Variants in SLK observed in about 807,000 individuals in gnomAD.
SLK encodes the protein STE20 like kinase, also known as STE20-like serine/threonine-protein kinase.
Under a neutral mutation model 147.7 loss-of-function variants are expected in SLK, and 67 were observed. The ratio of observed to expected loss-of-function variants is 0.45; its 90% CI spans 0.37 to 0.56. The LOEUF (loss-of-function observed/expected upper bound fraction) is 0.56. SLK is among the 20% of genes least tolerant of loss of function. The probability of loss-of-function intolerance (pLI) is 0.00; values close to 1 mark genes in which losing one functional copy is unlikely to be tolerated. For synonymous variants in SLK, 441 were observed against 475.0 expected, an observed-to-expected ratio of 0.93 and a Z score of 0.93; for missense variants, 1,136 against 1,438.8, an observed-to-expected ratio of 0.79 and a Z score of 3.41.
intron 4 of SLK, 79 bp from the exon 5 acceptor site, chr10:103,998,820 A>G (rs960700169): frequency 2.8e-5 from 27 of 947,914 alleles, no homozygotes; most frequent in Non-Finnish European, 4.0e-5. Flanking sequence ...TTAAAGACTT[A>G]AAATGCTTTT....
chr10:103,990,241 G>C (rs1020098968), intron 1 of SLK, among the ~76,000 whole-genome samples: 2 of 152,142 alleles, frequency 1.3e-5, no homozygotes, highest in African/African-American at 4.8e-5. Context: ...AAACTATTCT[G>C]TATGATATTA....
At chr10:103,992,309 G>C (rs1240641739) in intron 2 of SLK, among the ~76,000 whole-genome samples, 16 of 151,908 alleles carry the variant, frequency 1.1e-4, no homozygotes, top group Admixed American at 1.0e-3. Context: ...TAGCTGTGCA[G>C]TACAATACCA....
At chr10:104,023,012 G>A (rs1844555156) in intron 18 of SLK, among the ~76,000 whole-genome samples, 1 of 152,224 alleles carries the variant, frequency 6.6e-6, no homozygotes, top group Non-Finnish European at 1.5e-5. Context: ...TGTAAACGGT[G>A]TAAAATCTCC....
chr10:104,003,175 G>A lies in SLK; in HGVS notation c.1997G>A (p.Gly666Glu), dbSNP rs7071400. The change falls in exon 9 of 19, where the codon GGA becomes GAA. Residue 666 changes from glycine to glutamate, a missense_variant. Gly to Glu is a moderately conservative substitution (Grantham distance 98). This residue lies in a region of SLK where 516 missense variants were observed against 531.3 expected (regional missense o/e 0.97). Transcript: ENST00000369755. ...GCTGATACTGACCAAAAGGCTTTAGGAAGTGAAGTTCAGGATGCTTCTAAA... is the reference window on the plus strand; with the variant it reads ...GCTGATACTGACCAAAAGGCTTTAGAAAGTGAAGTTCAGGATGCTTCTAAA... The part of the protein sequence containing the change: ...VVADTDQKAL[G>E]SEVQDASKVT... 2.6e-3 allele frequency: 4,142 copies of A among 1,613,986 alleles called. 96 individuals are homozygous for A. The African/African-American group carries it at 0.049, about 19-fold the overall frequency.
chr10:104,000,903 CA>C lies in SLK; in HGVS notation c.865-535del, dbSNP rs540822215. ...TGAAACCCTGTCTCTACTAAAAATACAAAAAATCAGCCGGGCATGGTGGCAC... is the reference window on the plus strand; with the variant it reads ...TGAAACCCTGTCTCTACTAAAAATACAAAAATCAGCCGGGCATGGTGGCAC... On this transcript the variant is annotated intron_variant, in intron 7 of 18. Coordinates refer to ENST00000369755, the MANE Select transcript of SLK (RefSeq NM_014720.4). Among the ~76,000 whole-genome samples, 1,339 of 151,472 alleles carry C rather than the reference CA, an allele frequency of 8.8e-3. 16 individuals carry two copies. The highest frequency in any genetic ancestry group is 0.031 in the African/African-American group (1,280 of 41,296).
At chr10:103,996,690 C>T (rs1022596567) in intron 4 of SLK, among the ~76,000 whole-genome samples, 70 of 152,032 alleles carry the variant, frequency 4.6e-4, no homozygotes, top group African/African-American at 1.5e-3. Flanking sequence ...CCACCGTGCC[C>T]GGCCTTCTAA....
At chr10:103,991,314 C>G (rs553844374) in intron 2 of SLK, among the ~76,000 whole-genome samples, 2 of 152,102 alleles carry the variant, frequency 1.3e-5, no homozygotes, top group South Asian at 4.2e-4. Flanking sequence ...ATGGCTAAAG[C>G]TGTATGTATA....
At chr10:103,987,562 CATTT>C (rs1223230876) in intron 1 of SLK, among the ~76,000 whole-genome samples, 4 of 152,060 alleles carry the variant, frequency 2.6e-5, no homozygotes, top group Non-Finnish European at 5.9e-5. Context: ...GAGATTTAGA[CATTT>C]ATTTATTGAA....
chr10:104,003,688 G>C (rs1379338815), intron 9 of SLK, among the ~76,000 whole-genome samples, 161 bp downstream of exon 9: 2 of 152,160 alleles, frequency 1.3e-5, no homozygotes, highest in African/African-American at 2.4e-5. Context: ...GAACTAAGGA[G>C]ATTGTGGATC....
chr10:103,975,509 C>T (rs1215073707), intron 1 of SLK, among the ~76,000 whole-genome samples: 1 of 81,498 alleles, frequency 1.2e-5, no homozygotes, highest in African/African-American at 5.9e-5. Flanking sequence ...TTTCACTAGT[C>T]AAAGCTGCTA....
chr10:104,025,692 T>C lies in SLK; in HGVS notation c.3680T>C (p.Ile1227Thr), dbSNP rs1411420476. 3 of 1,614,092 alleles carry C rather than the reference T, an allele frequency of 1.9e-6. No individual in the cohort carries two copies. In the Admixed American group the frequency reaches 5.0e-5, roughly 27 times the overall value. ...TQSRISKFYP[I>T]PSLHSTGS ...AGCCGGATTTCCAAATTTTATCCTA[T>C]TCCCAGCTTGCATTCCACCGGATCA... Residue 1227 changes from isoleucine to threonine, a missense_variant, in exon 19 of 19, where the codon ATT becomes ACT. Ile to Thr is a moderately conservative substitution (Grantham distance 89, BLOSUM62 -1). Coordinates refer to ENST00000369755, the MANE Select transcript of SLK (RefSeq NM_014720.4).
intron 4 of SLK, among the ~76,000 whole-genome samples, chr10:103,996,335 G>GT (rs780860379): frequency 3.7e-3 from 456 of 121,860 alleles, no homozygotes; most frequent in South Asian, 7.1e-3. Context: ...GATGCTAAAA[G>GT]TTTTTTTTTT....
Position 103,998,074 on chromosome 10 carries a change from A to G in SLK, c.515-825A>G, listed in dbSNP as rs376022276. 3.3e-4 allele frequency among the ~76,000 whole-genome samples: 50 copies of G among 152,322 alleles called. 2 individuals carry two copies. The South Asian group carries it at 0.01, about 31-fold the overall frequency. ...TAGAACAATCTTATCCCCAAGAACC[A>G]TATAATAGATAAAAGTAATTCAGGC... On this transcript the variant is annotated intron_variant, in intron 4 of 18. Coordinates refer to ENST00000369755, the MANE Select transcript of SLK (RefSeq NM_014720.4).
intron 13 of SLK, among the ~76,000 whole-genome samples, chr10:104,011,432 A>C (rs805648): frequency 0.21 from 32,500 of 152,166 alleles, 3,851 homozygotes; most frequent in African/African-American, 0.32. Flanking sequence ...TTAAATATTA[A>C]GTACCTTGTT....
intron 13 of SLK, among the ~76,000 whole-genome samples, chr10:104,017,207 T>C (rs1324595504): frequency 1.3e-5 from 2 of 152,258 alleles, no homozygotes; most frequent in Non-Finnish European, 2.9e-5. Context: ...ATCCGAAACA[T>C]GTTTATAGAA....
intron 1 of SLK, among the ~76,000 whole-genome samples, chr10:103,988,696 G>C (rs1445355608): frequency 6.6e-6 from 1 of 152,036 alleles, no homozygotes; most frequent in Non-Finnish European, 1.5e-5. Flanking sequence ...ATATATCATG[G>C]GGTTGTTGTG....
In SLK at chr10:104,002,682, G is replaced by C. The variant is rs200940208; in HGVS notation, c.1504G>C (p.Val502Leu). The C allele has an allele frequency of 6.2e-7, 1 of 1,610,860 alleles. No individual in the cohort carries two copies. Among genetic ancestry groups the C allele is most frequent in the Non-Finnish European group, 8.5e-7 (1 of 1,179,142 alleles). Reference protein sequence around the residue: ...KDTILQTVDLVSQETGEKEAN... With the variant: ...KDTILQTVDLLSQETGEKEAN... The stretch of plus-strand genomic sequence containing the variant: ...TACTATTTTGCAAACAGTAGATTTA[G>C]TTTCTCAAGAGACTGGAGAAAAAGA... Residue 502 changes from valine (V) to leucine (L), a missense_variant, in exon 9 of 19, where the codon GTT (valine) becomes CTT (leucine). Transcript: ENST00000369755.
At chr10:103,999,370 T>G (rs1389331714) in intron 6 of SLK, 57 bp downstream of exon 6, 11 of 1,263,002 alleles carry the variant, frequency 8.7e-6, no homozygotes, top group Non-Finnish European at 1.2e-5. Flanking sequence ...GAAGCAGAAC[T>G]TGATGTTATA....
chr10:104,011,031 C>G, intron 13 of SLK, 123 bp downstream of exon 13: 1 of 496,894 alleles, frequency 2.0e-6, no homozygotes, highest in South Asian at 4.6e-5. Context: ...TCTCCCCATT[C>G]AAAAACTCCT....
Sources: allele counts gnomAD v4.1 joint callset (sites outside exome capture counted in the v4.1 genomes callset), GRCh38; gene constraint gnomAD v4.1.1; regional missense constraint gnomAD v4.1.1; transcripts MANE v1.5; gene names NCBI Gene and HGNC (gene_info 2026-07-23, HGNC 2026-07-21).